Variants in LRP2 observed in about 807,000 individuals in gnomAD.
The protein encoded by LRP2 is LDL receptor related protein 2, also known as low-density lipoprotein receptor-related protein 2.
In LRP2, 172 loss-of-function variants were observed where a neutral mutation model predicts 531.0. The observed-to-expected ratio is 0.32, with a 90% CI of 0.29 to 0.37. The LOEUF (loss-of-function observed/expected upper bound fraction) is 0.37, where lower values mean the gene tolerates loss of function less well. LRP2 is among the 10% of genes least tolerant of loss of function. The probability of loss-of-function intolerance (pLI) is 1.00; values close to 1 mark genes in which losing one functional copy is unlikely to be tolerated. For synonymous variants in LRP2, 1,992 were observed against 2,027.6 expected (o/e 0.98, Z 0.47); for missense variants, 5,167 against 5,868.3 (o/e 0.88, Z 3.90).
chr2:169,334,316 T>C (rs183040773), intron 1 of LRP2, among the ~76,000 whole-genome samples: 1 of 152,236 alleles, frequency 6.6e-6, no homozygotes, highest in East Asian at 1.9e-4. Flanking sequence ...GACACACAAA[T>C]AATTAAAGCC....
intron 53 of LRP2, 37 bp from the exon 54 acceptor site, chr2:169,176,625 G>A (rs745441367): frequency 6.3e-7 from 1 of 1,578,760 alleles, no homozygotes; most frequent in East Asian, 2.2e-5. Context: ...TTCATTTGCT[G>A]AAAGAGAGTA....
In LRP2 at chr2:169,201,553, T is replaced by A. The variant is rs951117997; in HGVS notation, c.8452+75A>T. The A allele has an allele frequency of 2.5e-6, 4 of 1,589,748 alleles. No individual in the cohort carries two copies. In the African/African-American group the frequency reaches 4.1e-5, roughly 16 times the overall value. On this transcript the variant is annotated intron_variant, in intron 44 of 78. Coordinates refer to ENST00000649046, the MANE Select transcript of LRP2 (RefSeq NM_004525.3). ...TTTTTATTTTTGGAAAGCCTTTTTT[T>A]TATATAATAATTTCATCTCCTGTGA... is the stretch of plus-strand genomic sequence containing the variant.
intron 1 of LRP2, among the ~76,000 whole-genome samples, chr2:169,353,634 A>G (rs1574283911): frequency 6.6e-6 from 1 of 152,160 alleles, no homozygotes; most frequent in Non-Finnish European, 1.5e-5. Flanking sequence ...TGTGGGTAGG[A>G]TTGCCATATT....
chr2:169,267,864 C>T (rs1683265190), intron 16 of LRP2, among the ~76,000 whole-genome samples: 1 of 151,776 alleles, frequency 6.6e-6, no homozygotes, highest in Admixed American at 6.6e-5. Flanking sequence ...GCTAGCAAGA[C>T]TAATAAAGAA....
chr2:169,164,087 T>C (rs1416982025), intron 62 of LRP2, among the ~76,000 whole-genome samples: 1 of 152,242 alleles, frequency 6.6e-6, no homozygotes, highest in East Asian at 1.9e-4. Context: ...GAATCAGGAC[T>C]GTCCTGTGCT....
chr2:169,182,384 C>G (rs1687474194), intron 50 of LRP2, 65 bp from the exon 51 acceptor site: 3 of 1,602,412 alleles, frequency 1.9e-6, no homozygotes, highest in Non-Finnish European at 2.5e-6. Flanking sequence ...ATTTAGCCAC[C>G]CAGTTTCCTA....
chr2:169,145,091 A>C (rs897820053), intron 70 of LRP2, among the ~76,000 whole-genome samples: 1 of 152,244 alleles, frequency 6.6e-6, no homozygotes, highest in East Asian at 1.9e-4. Context: ...AGGTCTTTAT[A>C]AGGTAATTGA....
In LRP2 at chr2:169,237,151, C is replaced by A; in HGVS notation, c.4643G>T (p.Ser1548Ile). ...TCCTCTTGGATTTGTTAGGTTTTTA[C>A]TAATCAGCACAGTCCTGTGGCTCCC... ...IDGSHRTVLI[S>I]KNLTNPRGLA... Residue 1548 changes from serine to isoleucine, a missense_variant, in exon 28 of 79, where the codon AGT becomes ATT. Ser to Ile is a moderately radical substitution (Grantham distance 142). Transcript: ENST00000649046. 6.2e-7 allele frequency: 1 copy of A among 1,613,996 alleles called. No individual in the cohort carries two copies. The highest frequency in any genetic ancestry group is 8.5e-7 in the Non-Finnish European group (1 of 1,179,918).
rs548014506 is a variant in LRP2, at chr2:169,331,016, A to G, written c.80-10132T>C. ...TGAAATGAACTCCCCTGGGAGAGTG[A>G]TAAAGAATCTAATTTCCAGGAAGGC... On this transcript the variant is annotated intron_variant, in intron 1 of 78. Coordinates refer to ENST00000649046, the MANE Select transcript of LRP2 (RefSeq NM_004525.3). Among the ~76,000 whole-genome samples, 124 of 152,276 alleles carry G rather than the reference A, an allele frequency of 8.1e-4. No homozygotes were observed. The Middle Eastern group carries it at 0.031, about 38-fold the overall frequency.
intron 19 of LRP2, among the ~76,000 whole-genome samples, chr2:169,248,090 T>A (rs1690082802): frequency 6.6e-6 from 1 of 152,146 alleles, no homozygotes; most frequent in Non-Finnish European, 1.5e-5. Flanking sequence ...TGTTTGAGGA[T>A]CAATAAAAAT....
chr2:169,134,977 T>C (rs1685443973), intron 76 of LRP2, among the ~76,000 whole-genome samples: 2 of 152,142 alleles, frequency 1.3e-5, no homozygotes, highest in Non-Finnish European at 2.9e-5. Flanking sequence ...CTCCTTCACA[T>C]TAGTCACTCC....
intron 4 of LRP2, among the ~76,000 whole-genome samples, chr2:169,298,193 AATC>A (rs3083159): frequency 0.073 from 10,923 of 150,452 alleles, 524 homozygotes; most frequent in African/African-American, 0.13. Flanking sequence ...TTAAACAAGC[AATC>A]ATCATCATCA....
intron 31 of LRP2, among the ~76,000 whole-genome samples, chr2:169,227,028 A>G (rs557383812): frequency 1.3e-4 from 20 of 152,208 alleles, no homozygotes; most frequent in Admixed American, 3.3e-4. Flanking sequence ...AAGGCAGCTT[A>G]CTAGTTTTAA....
Position 169,277,866 on chromosome 2 carries a change from A to G in LRP2, c.1651T>C (p.Leu551=), listed in dbSNP as rs1574212904. The G allele has an allele frequency of 1.2e-5, 19 of 1,613,992 alleles. No homozygotes were observed. The highest frequency in any genetic ancestry group is 1.4e-5 in the Non-Finnish European group (17 of 1,180,006). The change falls in exon 13 of 79, where the codon TTG becomes CTG. Residue 551 remains leucine (L), a synonymous_variant. Transcript: ENST00000649046. Reference sequence around the variant, plus strand: ...GGCCATCCCAGCTTTGTTTTCACCAAGTCTTTACGGTTGCTGCCATCCATG... The same window carrying G: ...GGCCATCCCAGCTTTGTTTTCACCAGGTCTTTACGGTTGCTGCCATCCATG... The part of the protein sequence containing the change: ...AFMDGSNRKD[L]VKTKLGWPAG...
intron 4 of LRP2, among the ~76,000 whole-genome samples, chr2:169,302,341 T>A (rs1684305694): frequency 6.6e-6 from 1 of 152,142 alleles, no homozygotes; most frequent in African/African-American, 2.4e-5. Context: ...TGTCTCCTAA[T>A]GAAAATACAC....
intron 68 of LRP2, among the ~76,000 whole-genome samples, chr2:169,150,171 C>CTAT (rs1424462325): frequency 2.0e-5 from 3 of 152,182 alleles, no homozygotes; most frequent in African/African-American, 7.2e-5. Context: ...GTAATAACAG[C>CTAT]TCATAGGGTT....
At chr2:169,351,647 G>A (rs1022196487) in intron 1 of LRP2, among the ~76,000 whole-genome samples, 5 of 152,176 alleles carry the variant, frequency 3.3e-5, no homozygotes, top group African/African-American at 9.7e-5. Flanking sequence ...GAGGTTTGAG[G>A]AAAGAGGAGA....
chr2:169,264,957 G>C (rs1324917790), intron 16 of LRP2, among the ~76,000 whole-genome samples: 2 of 151,984 alleles, frequency 1.3e-5, no homozygotes, highest in Non-Finnish European at 2.9e-5. Flanking sequence ...CTGAGTACAG[G>C]AGGATTATAG....
At chr2:169,290,751 G>A (rs1683978121) in intron 8 of LRP2, 94 bp downstream of exon 8, 13 of 1,345,962 alleles carry the variant, frequency 9.7e-6, no homozygotes, top group Non-Finnish European at 1.4e-5. Context: ...GCTTTGTTAT[G>A]CAAATGCCAA....
Sources: allele counts gnomAD v4.1 joint callset (sites outside exome capture counted in the v4.1 genomes callset), GRCh38; gene constraint gnomAD v4.1.1; transcripts MANE v1.5; gene names NCBI Gene and HGNC (gene_info 2026-07-23, HGNC 2026-07-21).